The following FRYL variants were observed in gnomAD, a reference collection of about 807,000 sequenced individuals.
FRYL encodes FRY like transcription coactivator.
FRYL carries 150 observed loss-of-function variants against 351.2 expected under a neutral mutation model. The observed-to-expected ratio is 0.43, with a 90% CI of 0.37 to 0.49. The LOEUF (loss-of-function observed/expected upper bound fraction) is 0.49. Among genes scored for constraint, FRYL ranks in the 20% least tolerant of loss-of-function variants. The probability of loss-of-function intolerance (pLI) is 0.00; values close to 1 mark genes in which losing one functional copy is unlikely to be tolerated. For missense variants in FRYL, 3,036 were observed against 3,619.3 expected (o/e 0.84, Z 4.13); for synonymous variants, 1,153 against 1,257.1 (o/e 0.92, Z 1.75).
chr4:48,633,752 C>T (rs1753707312), intron 4 of FRYL, among the ~76,000 whole-genome samples: 1 of 152,174 alleles, frequency 6.6e-6, no homozygotes, highest in African/African-American at 2.4e-5. Context: ...TAGTTCAAGA[C>T]CCCTTTCATT....
In FRYL at chr4:48,774,997, T is replaced by C. The variant is rs73815328; in HGVS notation, c.-384+5081A>G. Among the ~76,000 whole-genome samples, 429 of 152,362 alleles carry C rather than the reference T, an allele frequency of 2.8e-3. 1 individual carries two copies. Among genetic ancestry groups the C allele is most frequent in the African/African-American group, 9.9e-3 (410 of 41,590 alleles). On this transcript the variant is annotated intron_variant, in intron 1 of 63. Transcript: ENST00000358350. Reference sequence around the variant, plus strand: ...CTAGGATACCCATGTAGTCTCATAATGATATTCTTTGAAATGCACGATACC... The same window carrying C: ...CTAGGATACCCATGTAGTCTCATAACGATATTCTTTGAAATGCACGATACC...
At position 48,590,749 on chromosome 4, in the gene FRYL, T is replaced by C. The variant is rs1743063998; in HGVS notation, c.1417A>G (p.Thr473Ala). Reference protein sequence around the residue: ...QKDGEPPMPTTGVILPSGNTL... With the variant: ...QKDGEPPMPTAGVILPSGNTL... ...TTTCCTGAGGGAAGAATAACTCCTG[T>C]TGTTGGCATGGGTGGTTCACCATCT... The change falls in exon 17 of 64, where the codon ACA becomes GCA. Residue 473 changes from threonine to alanine, a missense_variant. Transcript: ENST00000358350. 1 of 1,613,496 alleles carries C rather than the reference T, an allele frequency of 6.2e-7. No homozygotes were observed. Among genetic ancestry groups the C allele is most frequent in the Non-Finnish European group, 8.5e-7 (1 of 1,179,478 alleles).
rs748457520 is a variant in FRYL, at chr4:48,623,166, G to A, written c.134C>T (p.Ser45Phe). 7 of 1,525,022 alleles carry A rather than the reference G, an allele frequency of 4.6e-6. No individual in the cohort carries two copies. Among genetic ancestry groups the A allele is most frequent in the Non-Finnish European group, 6.2e-6 (7 of 1,125,562 alleles). 94.5% of individuals were successfully genotyped at this position (1,525,022 alleles called of 1,614,324 possible). A position where few individuals can be genotyped will look rare whatever the true frequency, so the allele number is the denominator to read the frequency against. The change falls in exon 5 of 64, where the codon TCC becomes TTC. Residue 45 changes from serine to phenylalanine, a missense_variant. Transcript: ENST00000358350. ...ATCTTCACCCCTCTGAAGAGATCTG[G>A]ACAATAGCTTCTCCTATGATTAAAA... ...VMAEPLEKLLSRSLQRGEDLQ... is the reference protein window; with the variant it reads ...VMAEPLEKLLFRSLQRGEDLQ...
intron 1 of FRYL, among the ~76,000 whole-genome samples, chr4:48,715,734 A>G (rs1257102661): frequency 6.6e-6 from 1 of 152,226 alleles, no homozygotes; most frequent in Admixed American, 6.5e-5. Flanking sequence ...ATCCCCATCA[A>G]GCTAGCAATG....
chr4:48,551,419 G>GA (rs1732721180), intron 37 of FRYL, 75 bp downstream of exon 37: 3 of 816,520 alleles, frequency 3.7e-6, no homozygotes, highest in Non-Finnish European at 5.7e-6. Flanking sequence ...TTTCAATGCA[G>GA]AAAATATCAT....
chr4:48,580,167 T>C (rs1740580796), intron 22 of FRYL, among the ~76,000 whole-genome samples: 1 of 152,114 alleles, frequency 6.6e-6, no homozygotes. Context: ...GAATCAGGTG[T>C]TATGCCGCAA....
At chr4:48,652,632 G>A (rs1355590597) in intron 3 of FRYL, among the ~76,000 whole-genome samples, 1 of 152,144 alleles carries the variant, frequency 6.6e-6, no homozygotes, top group Non-Finnish European at 1.5e-5. Flanking sequence ...ATATTTGGCT[G>A]CATTTACAAA....
intron 1 of FRYL, among the ~76,000 whole-genome samples, chr4:48,747,382 G>A (rs1352977657): frequency 1.3e-5 from 2 of 152,186 alleles, no homozygotes; most frequent in African/African-American, 2.4e-5. Flanking sequence ...ACAAAAACTG[G>A]TACTGGTGTA....
chr4:48,628,431 C>CGTGTGTGTGTGTGTGTGT lies in FRYL; in HGVS notation c.121-5270_121-5253dup, dbSNP rs397993302. Reference sequence around the variant, plus strand: ...TTTATATATATCTCCCCTTCATTTGCGTGTGTGTGTGTGTGTGTGTGTGTG... The same window carrying CGTGTGTGTGTGTGTGTGT: ...TTTATATATATCTCCCCTTCATTTGCGTGTGTGTGTGTGTGTGTGTGTGTGTGTGTGTGTGTGTGTGTG... On this transcript the variant is annotated intron_variant, in intron 4 of 63. Coordinates refer to ENST00000358350, the MANE Select transcript of FRYL (RefSeq NM_015030.2). Among the ~76,000 whole-genome samples the CGTGTGTGTGTGTGTGTGT allele has an allele frequency of 1.9e-3, 275 of 144,750 alleles. 1 individual carries two copies. Among genetic ancestry groups the CGTGTGTGTGTGTGTGTGT allele is most frequent in the Non-Finnish European group, 2.5e-3 (168 of 66,272 alleles). The allele number at this position is 144,750 out of a possible 152,430, so 95.0% of individuals were successfully genotyped here. A position where few individuals can be genotyped will look rare whatever the true frequency, so the allele number is the denominator to read the frequency against.
intron 1 of FRYL, among the ~76,000 whole-genome samples, chr4:48,766,858 T>G (rs1774998236): frequency 1.3e-5 from 2 of 151,898 alleles, no homozygotes; most frequent in Admixed American, 1.3e-4. Flanking sequence ...TCACCTTAAA[T>G]GATGTCAAAT....
At chr4:48,546,414 C>A (rs1731346529) in intron 41 of FRYL, 143 bp from the exon 42 acceptor site, 7 of 660,120 alleles carry the variant, frequency 1.1e-5, no homozygotes, top group South Asian at 9.6e-5. Context: ...AGTGCTCCTG[C>A]TGATCCTCAT....
chr4:48,683,817 T>C (rs1263300962), intron 3 of FRYL, among the ~76,000 whole-genome samples: 4 of 152,178 alleles, frequency 2.6e-5, no homozygotes, highest in African/African-American at 4.8e-5. Context: ...CTTGTTAGAA[T>C]GGTAAACTGC....
chr4:48,706,518 A>G (rs1265848968), intron 2 of FRYL, among the ~76,000 whole-genome samples: 1 of 152,190 alleles, frequency 6.6e-6, no homozygotes, highest in South Asian at 2.1e-4. Flanking sequence ...TTTAATGGGT[A>G]TAGAGTTTCA....
intron 1 of FRYL, among the ~76,000 whole-genome samples, chr4:48,769,976 A>T (rs1440754605): frequency 6.6e-6 from 1 of 152,326 alleles, no homozygotes; most frequent in Admixed American, 6.5e-5. Context: ...GGACAGTTCT[A>T]TATCTTGACT....
rs1313605810 is a variant in FRYL at position 48,593,967 on chromosome 4, A to G, written c.1298T>C (p.Val433Ala). Residue 433 changes from valine to alanine, a missense_variant, in exon 16 of 64, where the codon GTT becomes GCT. By Grantham distance (64) the Val-to-Ala change is moderately conservative. Coordinates refer to ENST00000358350, the MANE Select transcript of FRYL (RefSeq NM_015030.2). ...MKEIIFDLLS[V>A]GKSTKTFTIN... Reference sequence around the variant, plus strand: ...GGTGAAAGTTTTAGTAGATTTTCCAACACTGAGAAGATCAAATATTATTTC... The same window carrying G: ...GGTGAAAGTTTTAGTAGATTTTCCAGCACTGAGAAGATCAAATATTATTTC... 2.0e-6 allele frequency: 3 copies of G among 1,485,100 alleles called. No individual in the cohort carries two copies. The highest frequency in any genetic ancestry group is 2.7e-6 in the Non-Finnish European group (3 of 1,116,914). The allele number at this position is 1,485,100 out of a possible 1,614,324, so 92.0% of individuals were successfully genotyped here. A position where few individuals can be genotyped will look rare whatever the true frequency, so the allele number is the denominator to read the frequency against.
At chr4:48,553,639 ACTTT>A (rs1265258478) in intron 35 of FRYL, among the ~76,000 whole-genome samples, 1 of 145,406 alleles carries the variant, frequency 6.9e-6, no homozygotes, top group East Asian at 2.0e-4. Flanking sequence ...CACTTTATGC[ACTTT>A]CTTTACTTTA....
intron 3 of FRYL, among the ~76,000 whole-genome samples, chr4:48,644,608 A>T (rs1347668501): frequency 6.6e-6 from 1 of 151,890 alleles, no homozygotes. Context: ...CTGGCCATTC[A>T]TCTAAAGAAA....
intron 1 of FRYL, among the ~76,000 whole-genome samples, chr4:48,766,333 A>T (rs1477752743): frequency 1.3e-5 from 2 of 152,166 alleles, no homozygotes; most frequent in Middle Eastern, 3.2e-3. Context: ...CCTTCCTTCA[A>T]GACACAAATA....
rs761022973 is a variant in FRYL at position 48,499,252 on chromosome 4, TG to T, written c.*169del. ...TATTGGCAGCTGTTAAAATATCAGA[TG>T]TTTTTTTCTTTCAGATCTTTGTTTT... On this transcript the variant is annotated 3_prime_UTR_variant, in exon 64 of 64. Coordinates refer to ENST00000358350, the MANE Select transcript of FRYL (RefSeq NM_015030.2). 3.3e-5 allele frequency: 20 copies of T among 600,562 alleles called. No individual in the cohort carries two copies. Among genetic ancestry groups the T allele is most frequent in the African/African-American group, 7.4e-5 (4 of 53,932 alleles). The allele number at this position is 600,562 out of a possible 1,614,324, so 37.2% of individuals were successfully genotyped here. A position where few individuals can be genotyped will look rare whatever the true frequency, so the allele number is the denominator to read the frequency against.
Sources: gnomAD v4.1 joint callset for allele counts (sites outside exome capture counted in the v4.1 genomes callset) on GRCh38, gnomAD v4.1.1 for gene constraint, MANE v1.5 for transcripts, NCBI Gene and HGNC (gene_info 2026-07-23, HGNC 2026-07-21) for gene names.